Variants in TDRD9 observed in about 807,000 individuals in gnomAD.
The protein encoded by TDRD9 is tudor domain containing 9.
TDRD9 carries 124 observed loss-of-function variants against 172.6 expected under a neutral mutation model. The ratio of observed to expected loss-of-function variants is 0.72; its 90% CI spans 0.62 to 0.83. The LOEUF is 0.83. Among genes scored for constraint, TDRD9 ranks in the 40% least tolerant of loss-of-function variants. TDRD9 has a pLI of 0.00. For missense variants in TDRD9, 1,479 were observed against 1,714.1 expected (o/e 0.86, Z 2.42); for synonymous variants, 619 against 617.1 (o/e 1.00, Z -0.05).
At chr14:104,022,033 A>T (rs2034970627) in intron 23 of TDRD9, 124 bp from the exon 24 acceptor site, 1 of 698,346 alleles carries the variant, frequency 1.4e-6, no homozygotes, top group African/African-American at 1.8e-5. Context: ...ATTAATTATA[A>T]ATTGAAGAGT....
At chr14:104,043,121 A>G (rs1345654855) in intron 34 of TDRD9, among the ~76,000 whole-genome samples, 7 of 152,048 alleles carry the variant, frequency 4.6e-5, no homozygotes, top group Admixed American at 4.6e-4. Flanking sequence ...ACTCCTTGGC[A>G]CACATGATCT....
chr14:103,932,447 G>T (rs2030454278), intron 1 of TDRD9, among the ~76,000 whole-genome samples: 1 of 151,882 alleles, frequency 6.6e-6, no homozygotes, highest in South Asian at 2.1e-4. Context: ...GAGTGTAGTG[G>T]CGCCATCTCG....
intron 1 of TDRD9, among the ~76,000 whole-genome samples, chr14:103,949,668 G>A (rs1327567400): frequency 6.6e-6 from 1 of 152,112 alleles, no homozygotes; most frequent in Non-Finnish European, 1.5e-5. Flanking sequence ...TCTAAACGCT[G>A]GCTTTGCCAA....
chr14:104,006,527 G>A lies in TDRD9; in HGVS notation c.1852G>A (p.Gly618Arg). Residue 618 changes from glycine (G) to arginine (R), a missense_variant, in exon 16 of 36, where the codon GGA becomes AGA. By Grantham distance (125) the Gly-to-Arg change is moderately radical. Around this residue, in one of 3 missense-constraint regions of TDRD9, gnomAD observed 1,413 missense variants for 1,649.1 expected, o/e 0.86. Transcript: ENST00000409874. The part of the protein sequence containing the change: ...GKLIVLGHVF[G>R]CLDECLIIAA... ...ACTCATAGTCCTTGGACATGTATTT[G>A]GATGTCTAGATGAATGTCTTATTAT... 1 of 1,613,840 alleles carries A rather than the reference G, an allele frequency of 6.2e-7. No individual in the cohort carries two copies. The highest frequency in any genetic ancestry group is 1.1e-5 in the South Asian group (1 of 91,052).
intron 32 of TDRD9, among the ~76,000 whole-genome samples, chr14:104,038,396 A>G (rs529363041): frequency 6.6e-6 from 1 of 152,358 alleles, no homozygotes; most frequent in Middle Eastern, 3.4e-3. Context: ...CCAAAACTTC[A>G]GTGGGCTACA....
At chr14:103,940,945 A>G (rs2031188829) in intron 1 of TDRD9, 2 of 1,535,470 alleles carry the variant, frequency 1.3e-6, no homozygotes, top group Non-Finnish European at 1.7e-6. Flanking sequence ...GTCACCTTGG[A>G]TCACAGAAGG....
At chr14:103,992,577 G>A (rs1318232419) in intron 9 of TDRD9, among the ~76,000 whole-genome samples, 4 of 152,084 alleles carry the variant, frequency 2.6e-5, no homozygotes, top group Non-Finnish European at 5.9e-5. Context: ...AACATGGGCC[G>A]GGCACAGTGC....
At chr14:104,027,884 C>T (rs1009445200) in intron 28 of TDRD9, among the ~76,000 whole-genome samples, 6 of 152,142 alleles carry the variant, frequency 3.9e-5, no homozygotes, top group African/African-American at 1.4e-4. Context: ...TACCCACAAT[C>T]CTCCTCTCTA....
chr14:103,971,439 G>A (rs895098757), intron 6 of TDRD9, among the ~76,000 whole-genome samples: 1 of 151,892 alleles, frequency 6.6e-6, no homozygotes, highest in African/African-American at 2.4e-5. Context: ...TGAGTAGCTG[G>A]GACTACAGGC....
intron 26 of TDRD9, 50 bp from the exon 27 acceptor site, chr14:104,025,997 G>T: frequency 8.1e-7 from 1 of 1,229,290 alleles, no homozygotes; most frequent in South Asian, 1.2e-5. Flanking sequence ...GCTCAGGTAG[G>T]GCATTGTTTT....
intron 7 of TDRD9, 59 bp from the exon 8 acceptor site, chr14:103,986,158 C>G: frequency 1.7e-5 from 22 of 1,270,548 alleles, no homozygotes; most frequent in Non-Finnish European, 2.4e-5. Flanking sequence ...CCATCCAACG[C>G]CAGGTTTCTT....
At chr14:104,045,522 G>A (rs1047755690) in intron 34 of TDRD9, among the ~76,000 whole-genome samples, 1 of 151,734 alleles carries the variant, frequency 6.6e-6, no homozygotes, top group African/African-American at 2.4e-5. Context: ...AGTAATTTGC[G>A]ATTAGTTTCA....
intron 23 of TDRD9, 89 bp downstream of exon 23, chr14:104,018,281 C>G: frequency 1.2e-6 from 1 of 839,446 alleles, no homozygotes; most frequent in Non-Finnish European, 1.9e-6. Context: ...ACGGAGTGCC[C>G]ATGGAAATGG....
chr14:104,041,573 C>G lies in TDRD9; in HGVS notation c.3856-496C>G, dbSNP rs961773042. ...AATTAAAATACGGATGACAGTAAAC[C>G]CATGAAAAGATGCTCAGCATCATAT... is the stretch of plus-strand genomic sequence containing the variant. On this transcript the variant is annotated intron_variant, in intron 33 of 35. Coordinates refer to ENST00000409874, the MANE Select transcript of TDRD9 (RefSeq NM_153046.3). 5.3e-5 allele frequency among the ~76,000 whole-genome samples: 8 copies of G among 152,164 alleles called. No homozygotes were observed. In the East Asian group the frequency reaches 1.4e-3, roughly 26 times the overall value.
chr14:103,987,297 G>C (rs1386067023), intron 8 of TDRD9, among the ~76,000 whole-genome samples: 1 of 152,114 alleles, frequency 6.6e-6, no homozygotes, highest in African/African-American at 2.4e-5. Flanking sequence ...TTAGTAATAT[G>C]TATTTAGTTC....
At chr14:103,977,842 G>T (rs1024873209) in intron 7 of TDRD9, among the ~76,000 whole-genome samples, 2 of 152,018 alleles carry the variant, frequency 1.3e-5, no homozygotes, top group Non-Finnish European at 2.9e-5. Flanking sequence ...GTTGATTTTT[G>T]TGTATATTGA....
chr14:103,981,988 A>G (rs1254088978), intron 7 of TDRD9, among the ~76,000 whole-genome samples: 1 of 152,000 alleles, frequency 6.6e-6, no homozygotes, highest in African/African-American at 2.4e-5. Flanking sequence ...TTGTCATGTT[A>G]CCTCACCACA....
chr14:103,940,919 C>T lies in TDRD9; in HGVS notation c.215+12195C>T, dbSNP rs374574508. The T allele has an allele frequency of 2.6e-6, 4 of 1,535,364 alleles. No individual in the cohort carries two copies. In the African/African-American group the frequency reaches 5.5e-5, roughly 21 times the overall value. On this transcript the variant is annotated intron_variant, in intron 1 of 35. Coordinates refer to ENST00000409874, the MANE Select transcript of TDRD9 (RefSeq NM_153046.3). Reference sequence around the variant, plus strand: ...GAAATGGTGGGTATTTCATCTTTGTCTGCCCTCTTGGAGCTGTCACCTTGG... The same window carrying T: ...GAAATGGTGGGTATTTCATCTTTGTTTGCCCTCTTGGAGCTGTCACCTTGG...
chr14:103,936,832 C>A (rs558238336), intron 1 of TDRD9, among the ~76,000 whole-genome samples: 1 of 152,174 alleles, frequency 6.6e-6, no homozygotes, highest in Non-Finnish European at 1.5e-5. Context: ...TGGCTCATGC[C>A]TGTAATCCCA....
Sources: allele counts gnomAD v4.1 joint callset (sites outside exome capture counted in the v4.1 genomes callset), GRCh38; gene constraint gnomAD v4.1.1; regional missense constraint gnomAD v4.1.1; transcripts MANE v1.5; gene names NCBI Gene and HGNC (gene_info 2026-07-23, HGNC 2026-07-21).